The following FOXP1 variants were observed in gnomAD, a reference collection of about 807,000 sequenced individuals.
FOXP1 encodes the protein forkhead box protein P1.
FOXP1 carries 15 observed loss-of-function variants against 98.2 expected under a neutral mutation model. The observed-to-expected ratio is 0.15, with a 90% CI of 0.10 to 0.24. The LOEUF is 0.24. Among genes scored for constraint, FOXP1 ranks in the 10% least tolerant of loss-of-function variants. FOXP1 has a pLI of 1.00. For missense variants in FOXP1, 633 were observed against 848.5 expected, an observed-to-expected ratio of 0.75 and a Z score of 3.15; for synonymous variants, 371 against 314.5, an observed-to-expected ratio of 1.18 and a Z score of -1.90.
intron 4 of FOXP1, among the ~76,000 whole-genome samples, chr3:71,321,140 G>GA (rs11413338): frequency 0.13 from 19,087 of 143,130 alleles, 1,341 homozygotes; most frequent in South Asian, 0.18. Flanking sequence ...AAAAAAAAAG[G>GA]AAAAAAAACG....
chr3:71,331,187 A>C (rs1019987188), intron 4 of FOXP1, among the ~76,000 whole-genome samples: 19 of 152,198 alleles, frequency 1.2e-4, no homozygotes, highest in South Asian at 6.2e-4. Context: ...GGCCAGCGCG[A>C]GTTCTGGGGT....
chr3:71,019,976 G>A lies in FOXP1; in HGVS notation c.870-4323C>T, dbSNP rs140426221. On this transcript the variant is annotated intron_variant, in intron 11 of 20. Coordinates refer to ENST00000649528, the MANE Select transcript of FOXP1 (RefSeq NM_001349338.3). ...TTCTGTGTGGCTATACATTCAACTG[G>A]TGTTGGCCTTTTTAAAAATGTCTTG... is the stretch of plus-strand genomic sequence containing the variant. Among the ~76,000 whole-genome samples the A allele has an allele frequency of 3.3e-5, 5 of 152,210 alleles. No homozygotes were observed. In the East Asian group the frequency reaches 9.7e-4, roughly 29 times the overall value.
At chr3:71,418,058 G>C (rs1247598434) in intron 3 of FOXP1, among the ~76,000 whole-genome samples, 1 of 151,326 alleles carries the variant, frequency 6.6e-6, no homozygotes, top group African/African-American at 2.4e-5. Context: ...ATTTCTACAG[G>C]CCAAATTTGG....
chr3:71,244,963 A>G (rs2067607487), intron 5 of FOXP1: 1 of 151,804 alleles, frequency 6.6e-6, no homozygotes, highest in African/African-American at 2.4e-5. Flanking sequence ...AGGGGGGAAA[A>G]AAAAAAAAGG....
At chr3:71,070,435 G>A (rs1168245557) in intron 7 of FOXP1, among the ~76,000 whole-genome samples, 1 of 152,180 alleles carries the variant, frequency 6.6e-6, no homozygotes, top group East Asian at 1.9e-4. Context: ...CATTTCAGTG[G>A]TCCCTAAGGT....
intron 6 of FOXP1, among the ~76,000 whole-genome samples, chr3:71,189,868 C>T (rs1422284574): frequency 2.0e-5 from 3 of 152,226 alleles, no homozygotes; most frequent in Admixed American, 2.0e-4. Context: ...TCCCGGCCCC[C>T]ATTCCCTGAT....
intron 3 of FOXP1, among the ~76,000 whole-genome samples, chr3:71,459,741 C>T (rs1234770022): frequency 2.0e-5 from 3 of 152,044 alleles, no homozygotes; most frequent in Admixed American, 1.3e-4. Flanking sequence ...AAGGCAAACA[C>T]ACATGAAAAA....
At chr3:71,521,521 T>C (rs2042986125) in intron 2 of FOXP1, among the ~76,000 whole-genome samples, 2 of 135,390 alleles carry the variant, frequency 1.5e-5, no homozygotes, top group Admixed American at 1.5e-4. Context: ...AGTGAGACCC[T>C]GTCTCAAAAA....
intron 2 of FOXP1, among the ~76,000 whole-genome samples, chr3:71,514,797 G>A (rs1036915332): frequency 4.6e-5 from 7 of 152,158 alleles, no homozygotes; most frequent in Non-Finnish European, 7.4e-5. Flanking sequence ...CTCGCCCACT[G>A]GGCCCAGTCA....
rs1461199720 is a variant in FOXP1 at position 71,348,559 on chromosome 3, GCGCA to G, written c.-73+10587_-73+10590del. Among the ~76,000 whole-genome samples the G allele has an allele frequency of 4.6e-4, 64 of 139,216 alleles. 2 individuals are homozygous for G. The highest frequency in any genetic ancestry group is 1.2e-3 in the African/African-American group (49 of 39,258). 91.3% of individuals were successfully genotyped at this position (139,216 alleles called of 152,430 possible). On this transcript the variant is annotated intron_variant, in intron 4 of 20. Coordinates refer to ENST00000649528, the MANE Select transcript of FOXP1 (RefSeq NM_001349338.3). Reference sequence around the variant, plus strand: ...TGTGTGTGTGTGTGTGCGTGCGCGCGCGCACGCATATGCATGTGTGTATAAGTCA... The same window carrying G: ...TGTGTGTGTGTGTGTGCGTGCGCGCGCGCATATGCATGTGTGTATAAGTCA...
At chr3:71,041,909 A>G (rs1372757693) in intron 10 of FOXP1, among the ~76,000 whole-genome samples, 1 of 152,218 alleles carries the variant, frequency 6.6e-6, no homozygotes, top group Non-Finnish European at 1.5e-5. Context: ...CAACTATACT[A>G]TTATGACAAC....
chr3:71,406,405 G>GTGTATATA (rs1347753258), intron 3 of FOXP1, among the ~76,000 whole-genome samples: 3 of 105,944 alleles, frequency 2.8e-5, no homozygotes, highest in Non-Finnish European at 4.5e-5. Flanking sequence ...AACTGTATGT[G>GTGTATATA]TATATATATA....
chr3:71,254,301 G>A (rs755979926), intron 5 of FOXP1, among the ~76,000 whole-genome samples: 4 of 152,058 alleles, frequency 2.6e-5, no homozygotes, highest in South Asian at 2.1e-4. Flanking sequence ...CAAGGCCCCC[G>A]CAAAGTGTGA....
Position 71,240,611 on chromosome 3 carries a change from C to T in FOXP1, c.-11-42219G>A, listed in dbSNP as rs539268640. ...AGGCTGGAGTGTAGTGGCGCGATCT[C>T]GGCTTACTGCAACCTCCGCCTCCGG... On this transcript the variant is annotated intron_variant, in intron 5 of 20. Coordinates refer to ENST00000649528, the MANE Select transcript of FOXP1 (RefSeq NM_001349338.3). Among the ~76,000 whole-genome samples the T allele has an allele frequency of 3.9e-5, 6 of 152,094 alleles. No individual in the cohort carries two copies. The East Asian group carries it at 9.8e-4, about 25-fold the overall frequency.
intron 4 of FOXP1, among the ~76,000 whole-genome samples, chr3:71,308,477 C>A (rs1381564388): frequency 6.6e-6 from 1 of 152,040 alleles, no homozygotes; most frequent in Non-Finnish European, 1.5e-5. Flanking sequence ...TGATCAGATA[C>A]GATGCGTACA....
intron 2 of FOXP1, among the ~76,000 whole-genome samples, chr3:71,557,824 A>G (rs1578169786): frequency 2.0e-5 from 3 of 152,148 alleles, no homozygotes; most frequent in African/African-American, 7.2e-5. Context: ...TTGTTTGTTT[A>G]TTTATTTTTT....
At chr3:71,398,198 C>T (rs530416665) in intron 3 of FOXP1, among the ~76,000 whole-genome samples, 1 of 152,192 alleles carries the variant, frequency 6.6e-6, no homozygotes, top group South Asian at 2.1e-4. Context: ...TCCTTAGAAG[C>T]ATCTATCTAA....
intron 7 of FOXP1, among the ~76,000 whole-genome samples, chr3:71,102,618 C>G (rs1180151765): frequency 6.6e-6 from 1 of 152,228 alleles, no homozygotes; most frequent in Non-Finnish European, 1.5e-5. Flanking sequence ...TCCCAAGCGT[C>G]ATTTCCCTTT....
chr3:71,494,916 AG>A (rs1172348721), intron 2 of FOXP1, among the ~76,000 whole-genome samples: 1 of 151,198 alleles, frequency 6.6e-6, no homozygotes, highest in Non-Finnish European at 1.5e-5. Flanking sequence ...TATGTCACAT[AG>A]AAAAAAAAAA....
Sources: allele counts gnomAD v4.1 joint callset (sites outside exome capture counted in the v4.1 genomes callset), GRCh38; gene constraint gnomAD v4.1.1; transcripts MANE v1.5; gene names NCBI Gene and HGNC (gene_info 2026-07-23, HGNC 2026-07-21).